The following FAF1 variants were observed in gnomAD, a reference collection of about 807,000 sequenced individuals.
FAF1 encodes FAS-associated factor 1.
A neutral mutation model predicts 92.5 loss-of-function variants in FAF1; 25 were observed. That is an observed-to-expected ratio of 0.27 (90% CI 0.20 to 0.38). The LOEUF (loss-of-function observed/expected upper bound fraction) is 0.38, where lower values mean the gene tolerates loss of function less well. Among genes scored for constraint, FAF1 ranks in the 10% least tolerant of loss-of-function variants. The pLI is 1.00. For synonymous variants in FAF1, 234 were observed against 273.2 expected, an observed-to-expected ratio of 0.86 and a Z score of 1.42; for missense variants, 636 against 793.3, an observed-to-expected ratio of 0.80 and a Z score of 2.38.
At position 50,655,611 on chromosome 1, in the gene FAF1, GTATT is replaced by G. The variant is rs1294194607; in HGVS notation, c.658-87_658-84del. ...CCAATCAATTTATGAGACATACAGTGTATTTCTTGTTTTCTTCTAGATTCAAAAC... is the reference window on the plus strand; with the variant it reads ...CCAATCAATTTATGAGACATACAGTGTCTTGTTTTCTTCTAGATTCAAAAC... On this transcript the variant is annotated intron_variant, in intron 7 of 18. Transcript: ENST00000396153. 11 of 789,266 alleles carry G rather than the reference GTATT, an allele frequency of 1.4e-5. No homozygotes were observed. The Admixed American group carries it at 2.4e-4, about 17-fold the overall frequency. The allele number at this position is 789,266 out of a possible 1,614,324, so 48.9% of individuals were successfully genotyped here.
chr1:50,739,654 T>C (rs1213636795), intron 5 of FAF1, among the ~76,000 whole-genome samples: 2 of 152,148 alleles, frequency 1.3e-5, no homozygotes, highest in Non-Finnish European at 1.5e-5. Context: ...CAGAGATCAT[T>C]AGACCTTGAA....
intron 1 of FAF1, among the ~76,000 whole-genome samples, chr1:50,885,827 G>C (rs1644657620): frequency 6.6e-6 from 1 of 151,906 alleles, no homozygotes; most frequent in African/African-American, 2.4e-5. Context: ...TTAATTTCTT[G>C]CTCTTTCTTT....
At chr1:50,651,284 T>TA (rs1442008103) in intron 8 of FAF1, among the ~76,000 whole-genome samples, 5 of 152,274 alleles carry the variant, frequency 3.3e-5, no homozygotes, top group Admixed American at 2.6e-4. Context: ...ACTTCTTTTT[T>TA]AAAAAAATAG....
intron 6 of FAF1, among the ~76,000 whole-genome samples, chr1:50,706,964 C>A (rs900754306): frequency 6.6e-6 from 1 of 151,868 alleles, no homozygotes; most frequent in Non-Finnish European, 1.5e-5. Flanking sequence ...AGCACTTTGG[C>A]AGGCCGAGGC....
Position 50,836,170 on chromosome 1 carries a change from G to GTTTTTTTT in FAF1, c.114+21751_114+21758dup, listed in dbSNP as rs36053491. Among the ~76,000 whole-genome samples, 545 of 98,480 alleles carry GTTTTTTTT rather than the reference G, an allele frequency of 5.5e-3. 64 individuals carry two copies. The highest frequency in any genetic ancestry group is 0.022 in the African/African-American group (516 of 23,430). 64.6% of individuals were successfully genotyped at this position (98,480 alleles called of 152,430 possible). ...GTGTGTGTTTTTGTTTTTTGTTTCTGTTTTTTTTTTTTTTTTTTTAGACAG... is the reference window on the plus strand; with the variant it reads ...GTGTGTGTTTTTGTTTTTTGTTTCTGTTTTTTTTTTTTTTTTTTTTTTTTTTTAGACAG... On this transcript the variant is annotated intron_variant, in intron 2 of 18. Transcript: ENST00000396153.
In FAF1 at chr1:50,820,545, C is replaced by T. The variant is rs183008292; in HGVS notation, c.115-18868G>A. ...TCTCCTCTCTTAGCAAATTTCGAGA[C>T]GTAAACAATATAGTATTATTAGCTA... On this transcript the variant is annotated intron_variant, in intron 2 of 18. Coordinates refer to ENST00000396153, the MANE Select transcript of FAF1 (RefSeq NM_007051.3). Among the ~76,000 whole-genome samples the T allele has an allele frequency of 3.3e-5, 5 of 152,044 alleles. No individual in the cohort carries two copies. The South Asian group carries it at 6.2e-4, about 19-fold the overall frequency.
At chr1:50,710,075 G>A (rs1657855809) in intron 6 of FAF1, among the ~76,000 whole-genome samples, 2 of 152,202 alleles carry the variant, frequency 1.3e-5, no homozygotes, top group South Asian at 4.1e-4. Flanking sequence ...CTCCATTATG[G>A]AGGGCTTCAA....
intron 3 of FAF1, among the ~76,000 whole-genome samples, chr1:50,797,037 G>A (rs1661779277): frequency 6.6e-6 from 1 of 152,164 alleles, no homozygotes; most frequent in Non-Finnish European, 1.5e-5. Context: ...TCAGGAGGCT[G>A]ATGTGGGAGG....
At chr1:50,929,899 T>C (rs548746285) in intron 1 of FAF1, among the ~76,000 whole-genome samples, 1 of 152,366 alleles carries the variant, frequency 6.6e-6, no homozygotes, top group East Asian at 1.9e-4. Context: ...AATGTAACGC[T>C]ATACAAATTG....
chr1:50,446,461 A>G (rs1646228320), intron 18 of FAF1, among the ~76,000 whole-genome samples: 1 of 152,366 alleles, frequency 6.6e-6, no homozygotes, highest in South Asian at 2.1e-4. Flanking sequence ...ATGCTCAACC[A>G]GTAGGTAAAT....
intron 15 of FAF1, among the ~76,000 whole-genome samples, chr1:50,505,981 T>C (rs1056161037): frequency 6.6e-6 from 1 of 152,234 alleles, no homozygotes; most frequent in East Asian, 1.9e-4. Context: ...AATTTAGTTC[T>C]GACACTAGTG....
At chr1:50,493,067 C>T (rs1011134595) in intron 15 of FAF1, among the ~76,000 whole-genome samples, 3 of 146,194 alleles carry the variant, frequency 2.1e-5, no homozygotes, top group South Asian at 2.1e-4. Context: ...GAGTCTTGCT[C>T]TGTCACCCAG....
chr1:50,518,533 C>T (rs545159412), intron 15 of FAF1, among the ~76,000 whole-genome samples: 90 of 152,006 alleles, frequency 5.9e-4, no homozygotes, highest in African/African-American at 2.1e-3. Flanking sequence ...CTCCGCCTCC[C>T]GGGTTCACGC....
intron 1 of FAF1, among the ~76,000 whole-genome samples, chr1:50,859,272 C>A (rs879485000): frequency 1.3e-5 from 2 of 151,472 alleles, no homozygotes; most frequent in Non-Finnish European, 3.0e-5. Flanking sequence ...GAGCAATCAA[C>A]CAAGAGAAAG....
chr1:50,770,846 C>T (rs1388464475), intron 4 of FAF1, among the ~76,000 whole-genome samples: 1 of 152,174 alleles, frequency 6.6e-6, no homozygotes, highest in African/African-American at 2.4e-5. Context: ...CACCACATTA[C>T]CCAACTTCAA....
At chr1:50,774,435 T>G (rs1171791844) in intron 4 of FAF1, among the ~76,000 whole-genome samples, 1 of 152,138 alleles carries the variant, frequency 6.6e-6, no homozygotes, top group Non-Finnish European at 1.5e-5. Context: ...AAAACCTGGT[T>G]TGAAACAACC....
chr1:50,809,583 G>A (rs1239103174), intron 2 of FAF1, among the ~76,000 whole-genome samples: 2 of 152,150 alleles, frequency 1.3e-5, no homozygotes, highest in African/African-American at 2.4e-5. Flanking sequence ...CTGAATCTCT[G>A]AACAGACCAA....
In FAF1 at chr1:50,959,976, G is replaced by C; in HGVS notation, c.-165C>G. On this transcript the variant is annotated 5_prime_UTR_variant, in exon 1 of 19. Transcript: ENST00000396153. The stretch of plus-strand genomic sequence containing the variant: ...CGGGCCAGCGGGCGGGGCAGCGCGG[G>C]AAGCGCTAGGCGCTCATGCACTCGG... 1 of 392,144 alleles carries C rather than the reference G, an allele frequency of 2.6e-6. No homozygotes were observed. The highest frequency in any genetic ancestry group is 3.7e-5 in the East Asian group (1 of 26,696). The allele number at this position is 392,144 out of a possible 1,614,324, so 24.3% of individuals were successfully genotyped here. A position where few individuals can be genotyped will look rare whatever the true frequency, so the allele number is the denominator to read the frequency against.
At chr1:50,877,340 C>T (rs1644579105) in intron 1 of FAF1, among the ~76,000 whole-genome samples, 1 of 152,158 alleles carries the variant, frequency 6.6e-6, no homozygotes, top group Admixed American at 6.5e-5. Context: ...TACTGATGTA[C>T]ACTTTACAAA....
Sources: allele counts gnomAD v4.1 joint callset (sites outside exome capture counted in the v4.1 genomes callset), GRCh38; gene constraint gnomAD v4.1.1; transcripts MANE v1.5; gene names NCBI Gene and HGNC (gene_info 2026-07-23, HGNC 2026-07-21).